The following TRPM1 variants were observed in gnomAD, a reference collection of about 807,000 sequenced individuals.
TRPM1 encodes TRPM1-203 APA Isoform, Intron 10.
In TRPM1, 113 loss-of-function variants were observed where a neutral mutation model predicts 149.4. The ratio of observed to expected loss-of-function variants is 0.76; its 90% CI spans 0.65 to 0.88. The LOEUF is 0.88. Among genes scored for constraint, TRPM1 ranks in the 40% least tolerant of loss-of-function variants. TRPM1 has a pLI of 0.00. For missense variants in TRPM1, 1,976 were observed against 2,038.7 expected (o/e 0.97, Z 0.59); for synonymous variants, 741 against 759.5 (o/e 0.98, Z 0.40).
At chr15:31,075,023 T>C (rs1485279571) in intron 3 of TRPM1, among the ~76,000 whole-genome samples, 1 of 152,200 alleles carries the variant, frequency 6.6e-6, no homozygotes, top group African/African-American at 2.4e-5. Flanking sequence ...TTTTATTACA[T>C]TGTGGTTGGA....
intron 21 of TRPM1, 168 bp from the exon 22 acceptor site, chr15:31,033,108 G>T: frequency 1.1e-6 from 1 of 876,742 alleles, no homozygotes; most frequent in Non-Finnish European, 1.8e-6. Context: ...TCTAGAAAGG[G>T]AAATTCCACG....
chr15:31,058,941 C>G (rs1381568785), intron 11 of TRPM1, among the ~76,000 whole-genome samples: 5 of 151,894 alleles, frequency 3.3e-5, no homozygotes, highest in Non-Finnish European at 7.4e-5. Context: ...AAAAATTTAG[C>G]TGGGTGTGGT....
intron 1 of TRPM1, among the ~76,000 whole-genome samples, chr15:31,113,792 G>C (rs1040897134): frequency 6.6e-6 from 1 of 152,164 alleles, no homozygotes; most frequent in East Asian, 1.9e-4. Context: ...AAGGTGGCAA[G>C]GACCCACAGT....
intron 1 of TRPM1, among the ~76,000 whole-genome samples, chr15:31,094,577 T>C (rs564665833): frequency 2.0e-5 from 3 of 152,268 alleles, no homozygotes; most frequent in East Asian, 1.9e-4. Context: ...AATTCTCCAA[T>C]GAAGATATAC....
At chr15:31,133,242 A>G (rs2036042240) in intron 1 of TRPM1, among the ~76,000 whole-genome samples, 1 of 151,430 alleles carries the variant, frequency 6.6e-6, no homozygotes, top group Non-Finnish European at 1.5e-5. Flanking sequence ...TTCAAGACCC[A>G]GCCTGGCCAA....
Position 31,081,455 on chromosome 15 carries a change from G to A in TRPM1, c.-83-17C>T. ...TTCTAGAACCTACGAGGATAAACAA[G>A]AGGAGTAAGAGTCACTTTGCCTGCA... On this transcript the variant is annotated splice_polypyrimidine_tract_variant and intron_variant, in intron 1 of 27. Transcript: ENST00000256552. The A allele has an allele frequency of 6.7e-7, 1 of 1,489,004 alleles. No individual in the cohort carries two copies. Among genetic ancestry groups the A allele is most frequent in the Non-Finnish European group, 9.0e-7 (1 of 1,108,996 alleles). The allele number at this position is 1,489,004 out of a possible 1,614,324, so 92.2% of individuals were successfully genotyped here.
Position 31,031,402 on chromosome 15 carries a change from T to A in TRPM1, c.2953-245A>T, listed in dbSNP as rs903873633. 6.9e-6 allele frequency: 4 copies of A among 579,658 alleles called. No individual in the cohort carries two copies. The African/African-American group carries it at 7.5e-5, about 11-fold the overall frequency. 35.9% of individuals were successfully genotyped at this position (579,658 alleles called of 1,614,324 possible). On this transcript the variant is annotated intron_variant, in intron 22 of 27. Transcript: ENST00000256552. Reference sequence around the variant, plus strand: ...TGCTCTTCATCCTTCTTGCTTCTTCTCTGTTGTTGCCCATAAACACATGTC... The same window carrying A: ...TGCTCTTCATCCTTCTTGCTTCTTCACTGTTGTTGCCCATAAACACATGTC...
chr15:31,112,676 C>T (rs779505265), intron 1 of TRPM1, among the ~76,000 whole-genome samples: 2 of 152,062 alleles, frequency 1.3e-5, no homozygotes, highest in African/African-American at 2.4e-5. Context: ...TAGAGTACTG[C>T]GTCTGCCCAA....
At chr15:31,112,722 A>G (rs2035707784) in intron 1 of TRPM1, among the ~76,000 whole-genome samples, 1 of 152,288 alleles carries the variant, frequency 6.6e-6, no homozygotes, top group East Asian at 1.9e-4. Flanking sequence ...CTTAGAGCTC[A>G]GGCATTCTCA....
chr15:31,045,167 CT>C (rs1399247332), intron 16 of TRPM1, among the ~76,000 whole-genome samples: 1 of 152,120 alleles, frequency 6.6e-6, no homozygotes, highest in Non-Finnish European at 1.5e-5. Flanking sequence ...AAAGGACAGT[CT>C]TAATTGTCAA....
At chr15:31,007,324 C>T (rs747765704) in intron 27 of TRPM1, among the ~76,000 whole-genome samples, 87 of 152,100 alleles carry the variant, frequency 5.7e-4, no homozygotes, top group Non-Finnish European at 1.1e-3. Flanking sequence ...GATCTACTCC[C>T]GGACTCTTTA....
intron 6 of TRPM1, 135 bp downstream of exon 6, chr15:31,066,926 ATG>A: frequency 8.7e-7 from 1 of 1,152,842 alleles, no homozygotes; most frequent in Non-Finnish European, 1.3e-6. Flanking sequence ...GTTTTGCAAG[ATG>A]TTACCATTGG....
intron 2 of TRPM1, among the ~76,000 whole-genome samples, chr15:31,081,112 C>T (rs2034846457): frequency 6.6e-6 from 1 of 152,144 alleles, no homozygotes. Context: ...GGGCATCGGT[C>T]TTGCATTTTG....
chr15:31,042,922 C>G (rs1303626248), intron 16 of TRPM1, among the ~76,000 whole-genome samples: 3 of 152,170 alleles, frequency 2.0e-5, no homozygotes, highest in African/African-American at 4.8e-5. Flanking sequence ...TCAGACTACT[C>G]CAGGCTAATA....
chr15:31,007,648 C>CAGCA (rs148559185), intron 27 of TRPM1, among the ~76,000 whole-genome samples: 117 of 84,192 alleles, frequency 1.4e-3, no homozygotes, highest in African/African-American at 3.8e-3. Flanking sequence ...ACAACAGCAG[C>CAGCA]GCAGCAACAA....
intron 1 of TRPM1, chr15:31,160,845 G>T: frequency 6.6e-7 from 1 of 1,506,626 alleles, no homozygotes; most frequent in Non-Finnish European, 8.9e-7. Flanking sequence ...CAGAGCTGGA[G>T]ACCAGTGTCC....
chr15:31,096,606 G>A (rs1199379532), intron 1 of TRPM1, among the ~76,000 whole-genome samples: 1 of 152,236 alleles, frequency 6.6e-6, no homozygotes, highest in Non-Finnish European at 1.5e-5. Flanking sequence ...TTGCCTGAGT[G>A]CCTGGTCTGG....
intron 20 of TRPM1, chr15:31,036,120 C>G (rs905312877): frequency 1.2e-4 from 36 of 302,508 alleles, no homozygotes; most frequent in Non-Finnish European, 2.0e-4. Context: ...GGATGAGTTG[C>G]CCACCCAGAT....
At chr15:31,049,565 G>T (rs1296925292) in intron 12 of TRPM1, 56 bp from the exon 13 acceptor site, 2 of 1,604,986 alleles carry the variant, frequency 1.2e-6, no homozygotes, top group South Asian at 1.1e-5. Context: ...CACAGGGGAG[G>T]GGGGCGACTG....
Sources: gnomAD v4.1 joint callset for allele counts (sites outside exome capture counted in the v4.1 genomes callset) on GRCh38, gnomAD v4.1.1 for gene constraint, MANE v1.5 for transcripts, NCBI Gene and HGNC (gene_info 2026-07-23, HGNC 2026-07-21) for gene names.